TBC1D22B: variants seen among roughly 807,000 people sequenced by gnomAD.
TBC1D22B encodes the protein chromosome 6 open reading frame 197.
Under a neutral mutation model 69.1 loss-of-function variants are expected in TBC1D22B, and 32 were observed. The ratio of observed to expected loss-of-function variants is 0.46; its 90% CI spans 0.35 to 0.62. The LOEUF (loss-of-function observed/expected upper bound fraction) is 0.62, where lower values mean the gene tolerates loss of function less well. Among genes scored for constraint, TBC1D22B ranks in the 20% least tolerant of loss-of-function variants. The pLI, the probability that TBC1D22B is intolerant of heterozygous loss-of-function variation, is 0.00. For missense variants in TBC1D22B, 462 were observed against 630.9 expected (o/e 0.73, Z 2.87); for synonymous variants, 206 against 229.8 (o/e 0.90, Z 0.94).
intron 12 of TBC1D22B, among the ~76,000 whole-genome samples, chr6:37,317,824 G>T (rs923172065): frequency 2.0e-5 from 3 of 152,144 alleles, no homozygotes; most frequent in Non-Finnish European, 2.9e-5. Flanking sequence ...CAGGAAGAGT[G>T]TCTAGGCAGA....
chr6:37,282,152 A>G (rs758450532), intron 3 of TBC1D22B, 33 bp from the exon 4 acceptor site: 1 of 1,610,764 alleles, frequency 6.2e-7, no homozygotes, highest in Non-Finnish European at 8.5e-7. Flanking sequence ...CTCCTCACAC[A>G]GCCCGTTCTC....
intron 12 of TBC1D22B, chr6:37,324,210 T>C (rs1768330062): frequency 6.8e-5 from 30 of 441,078 alleles, no homozygotes; most frequent in South Asian, 4.5e-4. Context: ...TAGCACATAT[T>C]TAATGTTCTT....
Position 37,303,097 on chromosome 6 carries a change from G to T in TBC1D22B, c.983-9821G>T, listed in dbSNP as rs568932496. On this transcript the variant is annotated intron_variant, in intron 8 of 12. Coordinates refer to ENST00000373491, the MANE Select transcript of TBC1D22B (RefSeq NM_017772.4). ...TCTGAAAGCTGTGCATGACTCTGGG[G>T]CTTGATTCTCTTTTGTTTGAACTTA... 2.6e-5 allele frequency among the ~76,000 whole-genome samples: 4 copies of T among 152,284 alleles called. No homozygotes were observed. The South Asian group carries it at 6.2e-4, about 24-fold the overall frequency.
intron 8 of TBC1D22B, among the ~76,000 whole-genome samples, chr6:37,300,189 A>G (rs1017902647): frequency 2.0e-5 from 3 of 151,976 alleles, no homozygotes; most frequent in Non-Finnish European, 2.9e-5. Flanking sequence ...TTTATAAATA[A>G]TACACCATCT....
chr6:37,270,412 T>C (rs1766447685), intron 2 of TBC1D22B, among the ~76,000 whole-genome samples: 1 of 151,964 alleles, frequency 6.6e-6, no homozygotes, highest in Non-Finnish European at 1.5e-5. Context: ...GATCATGCCA[T>C]TGCACTCCAG....
chr6:37,296,214 A>ATG, intron 8 of TBC1D22B, among the ~76,000 whole-genome samples: 1 of 152,226 alleles, frequency 6.6e-6, no homozygotes, highest in East Asian at 1.9e-4. Context: ...GTGAGCTGAG[A>ATG]TCGCACCACT....
chr6:37,298,867 T>G (rs1767476695), intron 8 of TBC1D22B, among the ~76,000 whole-genome samples: 1 of 152,216 alleles, frequency 6.6e-6, no homozygotes, highest in Admixed American at 6.5e-5. Flanking sequence ...AGTTTTTAGC[T>G]GTTATAAGTA....
At chr6:37,313,070 G>A (rs751847778) in intron 9 of TBC1D22B, 46 bp downstream of exon 9, 30 of 1,445,420 alleles carry the variant, frequency 2.1e-5, no homozygotes, top group African/African-American at 2.8e-5. Context: ...AGGTCCAGAG[G>A]CTCCCAGCAG....
intron 12 of TBC1D22B, among the ~76,000 whole-genome samples, chr6:37,321,590 T>A (rs1257958002): frequency 1.3e-5 from 2 of 152,244 alleles, no homozygotes; most frequent in African/African-American, 4.8e-5. Context: ...ATCTGTGATC[T>A]CCTGCTGCCC....
At chr6:37,300,649 A>G (rs1039192814) in intron 8 of TBC1D22B, among the ~76,000 whole-genome samples, 1 of 152,130 alleles carries the variant, frequency 6.6e-6, no homozygotes. Context: ...GGCATGAGCC[A>G]CCGTGCCTGG....
intron 3 of TBC1D22B, among the ~76,000 whole-genome samples, chr6:37,280,009 G>A (rs1303778895): frequency 1.3e-5 from 2 of 152,228 alleles, no homozygotes; most frequent in Non-Finnish European, 1.5e-5. Context: ...TTGGCACTGT[G>A]GTTTGACTTT....
At chr6:37,284,608 C>T (rs1766947353) in intron 6 of TBC1D22B, 144 bp downstream of exon 6, 4 of 965,064 alleles carry the variant, frequency 4.1e-6, no homozygotes, top group Admixed American at 7.2e-5. Context: ...AAAACTGTTT[C>T]CCCTCTTTTC....
At chr6:37,308,771 T>C (rs1338695069) in intron 8 of TBC1D22B, among the ~76,000 whole-genome samples, 1 of 152,124 alleles carries the variant, frequency 6.6e-6, no homozygotes, top group East Asian at 1.9e-4. Context: ...GGATGGCAGG[T>C]ATATCAGTTA....
chr6:37,324,763 G>T (rs1490575141), intron 12 of TBC1D22B, among the ~76,000 whole-genome samples: 1 of 152,080 alleles, frequency 6.6e-6, no homozygotes, highest in Non-Finnish European at 1.5e-5. Flanking sequence ...TCACACCAGG[G>T]CAGGCAGTAT....
At chr6:37,288,741 CAAAAAA>C (rs1279008478) in intron 7 of TBC1D22B, among the ~76,000 whole-genome samples, 1 of 73,894 alleles carries the variant, frequency 1.4e-5, no homozygotes. Flanking sequence ...GATCCTGTCT[CAAAAAA>C]AAAAAAAAAA....
intron 8 of TBC1D22B, among the ~76,000 whole-genome samples, chr6:37,312,137 G>C (rs971608613): frequency 1.3e-5 from 2 of 152,168 alleles, no homozygotes; most frequent in African/African-American, 4.8e-5. Context: ...GGGAAATGCT[G>C]GATAAACAAA....
chr6:37,300,006 CAAA>C (rs764261176), intron 8 of TBC1D22B, among the ~76,000 whole-genome samples: 2 of 77,058 alleles, frequency 2.6e-5, no homozygotes, highest in Non-Finnish European at 2.8e-5. Context: ...GAGACTCTGT[CAAA>C]AAAAAAAAAA....
chr6:37,269,135 C>A (rs1413644675), intron 1 of TBC1D22B, among the ~76,000 whole-genome samples: 1 of 152,092 alleles, frequency 6.6e-6, no homozygotes, highest in Non-Finnish European at 1.5e-5. Flanking sequence ...TTACTTTATA[C>A]CCCTCCTGCA....
Position 37,316,882 on chromosome 6 carries a change from GCT to G in TBC1D22B, c.1293+57_1293+58del, listed in dbSNP as rs775227536. 3.1e-6 allele frequency: 5 copies of G among 1,611,184 alleles called. 1 individual carries two copies. In the Admixed American group the frequency reaches 5.0e-5, roughly 16 times the overall value. On this transcript the variant is annotated intron_variant, in intron 11 of 12. Transcript: ENST00000373491. ...TGCCAGGCTGTCTCTGAGGTGTCCA[GCT>G]CTCTGCCATGTTGTGGAATGTAGCT...
Sources: allele counts gnomAD v4.1 joint callset (sites outside exome capture counted in the v4.1 genomes callset), GRCh38; gene constraint gnomAD v4.1.1; transcripts MANE v1.5; gene names NCBI Gene and HGNC (gene_info 2026-07-23, HGNC 2026-07-21).